SUPT6H: variants seen among roughly 807,000 people sequenced by gnomAD.
SUPT6H encodes the protein SPT6 homolog, histone chaperone and transcription elongation factor, also known as transcription elongation factor SPT6.
In SUPT6H, 11 loss-of-function variants were observed where a neutral mutation model predicts 222.3. That is an observed-to-expected ratio of 0.05 (90% CI 0.03 to 0.08). SUPT6H has a LOEUF of 0.08. Ranked by LOEUF, SUPT6H falls within the 10% of genes least tolerant of loss-of-function variation. SUPT6H has a pLI of 1.00. For synonymous variants in SUPT6H, 762 were observed against 801.2 expected (o/e 0.95, Z 0.83); for missense variants, 1,422 against 2,216.0 (o/e 0.64, Z 7.19).
intron 1 of SUPT6H, among the ~76,000 whole-genome samples, chr17:28,663,207 T>A (rs1378038792): frequency 6.6e-6 from 1 of 152,238 alleles, no homozygotes; most frequent in Admixed American, 6.5e-5. Context: ...GGTTCCACTG[T>A]TTATCTGGAA....
rs888965936 is a variant in SUPT6H, at chr17:28,701,916, A to G, written c.*291A>G. On this transcript the variant is annotated 3_prime_UTR_variant, in exon 37 of 37. Transcript: ENST00000314616. Reference sequence around the variant, plus strand: ...AGAGGAAGGTGAGAATGAGTAGAACAGTTTTGTATTCTACTCCCTACAAGC... The same window carrying G: ...AGAGGAAGGTGAGAATGAGTAGAACGGTTTTGTATTCTACTCCCTACAAGC... 8 of 424,190 alleles carry G rather than the reference A, an allele frequency of 1.9e-5. No individual in the cohort carries two copies. The highest frequency in any genetic ancestry group is 2.6e-5 in the Non-Finnish European group (6 of 233,730). 26.3% of individuals were successfully genotyped at this position (424,190 alleles called of 1,614,324 possible).
chr17:28,681,220 A>C, intron 11 of SUPT6H, 36 bp from the exon 12 acceptor site: 1 of 1,612,148 alleles, frequency 6.2e-7, no homozygotes, highest in South Asian at 1.1e-5. Flanking sequence ...CCCTTTCTGC[A>C]GTGATGACTG....
rs750338570 is a variant in SUPT6H, at chr17:28,693,746, C to T, written c.3684C>T (p.Val1228=). 1.1e-4 allele frequency: 183 copies of T among 1,614,082 alleles called. 2 individuals carry two copies. Among genetic ancestry groups the T allele is most frequent in the South Asian group, 5.1e-4 (46 of 91,082 alleles). ...CGTGCCCAGGCCAGGCCATCGGTGT[C>T]AAAACACGGCTAGACAATGGTGTCA... The part of the protein sequence containing the change: ...SGSCPGQAIG[V]KTRLDNGVTG... The change falls in exon 28 of 37, where the codon GTC becomes GTT. Residue 1228 remains valine (V), a synonymous_variant. Transcript: ENST00000314616.
intron 13 of SUPT6H, 59 bp downstream of exon 13, chr17:28,682,039 G>A: frequency 2.9e-6 from 4 of 1,398,030 alleles, no homozygotes; most frequent in African/African-American, 2.8e-5. Flanking sequence ...GAGTTACCCA[G>A]AAAAAAGACT....
At position 28,696,963 on chromosome 17, in the gene SUPT6H, G is replaced by A. The variant is rs2031950547; in HGVS notation, c.4090G>A (p.Glu1364Lys). The change falls in exon 30 of 37, where the codon GAG (glutamate) becomes AAG (lysine). Residue 1364 changes from glutamate to lysine, a missense_variant. Around this residue, in one of 13 missense-constraint regions of SUPT6H, gnomAD observed 395 missense variants for 580.6 expected, o/e 0.68. Transcript: ENST00000314616. Reference sequence around the variant, plus strand: ...GATTATCCGACCAAGCAGCAAGGGCGAGAACCACCTGACAGTGACCTGGAA... The same window carrying A: ...GATTATCCGACCAAGCAGCAAGGGCAAGAACCACCTGACAGTGACCTGGAA... The part of the protein sequence containing the change: ...DVIIRPSSKG[E>K]NHLTVTWKVS... The A allele has an allele frequency of 3.7e-6, 6 of 1,613,924 alleles. No homozygotes were observed. The highest frequency in any genetic ancestry group is 3.4e-6 in the Non-Finnish European group (4 of 1,180,024).
At chr17:28,684,093 A>G (rs1002035608) in intron 17 of SUPT6H, among the ~76,000 whole-genome samples, 2 of 152,078 alleles carry the variant, frequency 1.3e-5, no homozygotes, top group Admixed American at 1.3e-4. Flanking sequence ...CAATCTCCTG[A>G]ACTCATGATC....
At chr17:28,698,975 G>A (rs1284802567) in intron 32 of SUPT6H, among the ~76,000 whole-genome samples, 3 of 152,246 alleles carry the variant, frequency 2.0e-5, no homozygotes, top group African/African-American at 7.2e-5. Flanking sequence ...ACCAGGACCA[G>A]GTGCAGCATG....
rs542838509 is a variant in SUPT6H at position 28,688,163 on chromosome 17, G to A, written c.3079G>A (p.Val1027Ile). Residue 1027 changes from valine (V) to isoleucine (I), a missense_variant, in exon 24 of 37, where the codon GTC (valine) becomes ATC (isoleucine). By Grantham distance (29) the Val-to-Ile change is conservative. Around this residue, in one of 13 missense-constraint regions of SUPT6H, gnomAD observed 11 missense variants for 26.3 expected, o/e 0.42. Coordinates refer to ENST00000314616, the MANE Select transcript of SUPT6H (RefSeq NM_003170.5). The surrounding 1 kb of genome is among the most constrained non-coding windows in gnomAD (Gnocchi z 4.3). ...CACCATGTGCCACATGGGTCCCAAAGTCTTCATGAATTGTGCTGGCTTCCT... is the reference window on the plus strand; with the variant it reads ...CACCATGTGCCACATGGGTCCCAAAATCTTCATGAATTGTGCTGGCTTCCT... ...LVTMCHMGPKVFMNCAGFLKI... is the reference protein window; with the variant it reads ...LVTMCHMGPKIFMNCAGFLKI... 1 of 1,613,952 alleles carries A rather than the reference G, an allele frequency of 6.2e-7. No individual in the cohort carries two copies. Among genetic ancestry groups the A allele is most frequent in the African/African-American group, 1.3e-5 (1 of 74,984 alleles).
intron 15 of SUPT6H, 29 bp from the exon 16 acceptor site, chr17:28,683,239 G>A: frequency 6.2e-7 from 1 of 1,609,760 alleles, no homozygotes; most frequent in Non-Finnish European, 8.5e-7. Flanking sequence ...CCCATCCGCA[G>A]GCTCATGATT....
At chr17:28,663,828 A>ATTTTTTTTTTTT (rs71135839) in intron 1 of SUPT6H, among the ~76,000 whole-genome samples, 532 of 38,384 alleles carry the variant, frequency 0.014, 205 homozygotes, top group African/African-American at 0.046. Context: ...TGCCCACTCC[A>ATTTTTTTTTTTT]TTTTTTTTTT....
rs1363171706 is a variant in SUPT6H, at chr17:28,677,754, C to G, written c.937C>G (p.Leu313Val). 6.2e-7 allele frequency: 1 copy of G among 1,614,218 alleles called. No individual in the cohort carries two copies. Among genetic ancestry groups the G allele is most frequent in the Non-Finnish European group, 8.5e-7 (1 of 1,180,030 alleles). Residue 313 changes from leucine to valine, a missense_variant, in exon 8 of 37, where the codon CTA (leucine) becomes GTA (valine). Transcript: ENST00000314616. ...AGTCAAGGGGGCTGAAGATGATGAACTAGAAGAAGAAGCTGACTGGATCTA... is the reference window on the plus strand; with the variant it reads ...AGTCAAGGGGGCTGAAGATGATGAAGTAGAAGAAGAAGCTGACTGGATCTA... ...IPVKGAEDDE[L>V]EEEADWIYRN...
At position 28,688,022 on chromosome 17, in the gene SUPT6H, A is replaced by C; in HGVS notation, c.3007-69A>C. The C allele has an allele frequency of 6.8e-7, 1 of 1,471,940 alleles. No individual in the cohort carries two copies. The highest frequency in any genetic ancestry group is 1.5e-5 in the South Asian group (1 of 67,968). 91.2% of individuals were successfully genotyped at this position (1,471,940 alleles called of 1,614,324 possible). A position where few individuals can be genotyped will look rare whatever the true frequency, so the allele number is the denominator to read the frequency against. ...AGAGTTTTTGTTATGAGGGTTTAAT[A>C]GAGACTGGAACAGTCTGGGGAGGTG... is the stretch of plus-strand genomic sequence containing the variant. On this transcript the variant is annotated intron_variant, in intron 23 of 36. Coordinates refer to ENST00000314616, the MANE Select transcript of SUPT6H (RefSeq NM_003170.5). This position sits in a 1 kb window ranked among gnomAD's most constrained non-coding sequence, Gnocchi z 4.3.
intron 7 of SUPT6H, 78 bp downstream of exon 7, chr17:28,676,508 G>T (rs927392581): frequency 2.4e-5 from 38 of 1,594,822 alleles, no homozygotes; most frequent in Non-Finnish European, 3.1e-5. Flanking sequence ...CAAAAGTCTG[G>T]CATTGAGTAT....
chr17:28,700,730 G>A (rs1283114966), intron 35 of SUPT6H: 33 of 928,858 alleles, frequency 3.6e-5, no homozygotes, highest in Non-Finnish European at 5.0e-5. Context: ...GAACCCGCAA[G>A]CCACCAGAAA....
At chr17:28,687,994 GA>G in intron 23 of SUPT6H, 96 bp from the exon 24 acceptor site, 1 of 1,380,976 alleles carries the variant, frequency 7.2e-7, no homozygotes, top group Non-Finnish European at 9.5e-7. Context: ...TACTGGGTGG[GA>G]CAGAGTTTTT....
intron 25 of SUPT6H, 105 bp downstream of exon 25, chr17:28,689,666 A>G (rs1340525164): frequency 1.6e-5 from 18 of 1,091,020 alleles, no homozygotes; most frequent in Non-Finnish European, 1.7e-5. Context: ...TACTGTTAGT[A>G]TGGCAGACTT....
At chr17:28,674,124 A>T (rs942285054) in intron 2 of SUPT6H, among the ~76,000 whole-genome samples, 159 bp from the exon 3 acceptor site, 1 of 152,218 alleles carries the variant, frequency 6.6e-6, no homozygotes, top group Admixed American at 6.5e-5. Flanking sequence ...TGCTACTCTA[A>T]GTCAATGGCT....
At chr17:28,682,497 G>A (rs888185983) in intron 13 of SUPT6H, among the ~76,000 whole-genome samples, 5 of 152,036 alleles carry the variant, frequency 3.3e-5, no homozygotes, top group Admixed American at 2.0e-4. Context: ...GGACACACCT[G>A]TAGTCCCAGC....
chr17:28,683,314 A>T lies in SUPT6H; in HGVS notation c.1925A>T (p.Asn642Ile), dbSNP rs1253869938. Residue 642 changes from asparagine to isoleucine, a missense_variant, in exon 16 of 37, where the codon AAC becomes ATC. Physicochemically the swap from Asn to Ile is moderately radical, Grantham distance 149 (BLOSUM62 -3). Transcript: ENST00000314616. ...GCCTATTCCTTCAAGTATTTAAAGA[A>T]CAAGCCTGTTAAGGAACTGAGAGAT... ...HYAYSFKYLK[N>I]KPVKELRDDQ... 1 of 1,614,204 alleles carries T rather than the reference A, an allele frequency of 6.2e-7. No homozygotes were observed. Among genetic ancestry groups the T allele is most frequent in the Non-Finnish European group, 8.5e-7 (1 of 1,180,038 alleles).
Sources: gnomAD v4.1 joint callset for allele counts (sites outside exome capture counted in the v4.1 genomes callset) on GRCh38, gnomAD v4.1.1 for gene constraint, gnomAD v4.1.1 regional missense constraint, Gnocchi (gnomAD v3.1) non-coding constraint, MANE v1.5 for transcripts, NCBI Gene and HGNC (gene_info 2026-07-23, HGNC 2026-07-21) for gene names.